SCARA3: variants seen among roughly 807,000 people sequenced by gnomAD.
SCARA3 encodes scavenger receptor class A member 3.
A neutral mutation model predicts 47.0 loss-of-function variants in SCARA3; 39 were observed. The ratio of observed to expected loss-of-function variants is 0.83; its 90% CI spans 0.64 to 1.08. The LOEUF (loss-of-function observed/expected upper bound fraction) is 1.08, where lower values mean the gene tolerates loss of function less well. SCARA3 is among the 50% of genes least tolerant of loss of function. The pLI is 0.00. For synonymous variants in SCARA3, 356 were observed against 334.1 expected, an observed-to-expected ratio of 1.07 and a Z score of -0.71; for missense variants, 724 against 792.3, an observed-to-expected ratio of 0.91 and a Z score of 1.04.
chr8:27,730,513 TCTCA>T, the SCARA3 span, among the ~76,000 whole-genome samples: 1 of 142,584 alleles, frequency 7.0e-6, no homozygotes, highest in Non-Finnish European at 1.5e-5. Context: ...TTTAATCGGG[TCTCA>T]CTCAGGCTCA....
At chr8:27,728,573 G>C in the SCARA3 span, among the ~76,000 whole-genome samples, 28 of 152,336 alleles carry the variant, frequency 1.8e-4, no homozygotes, top group South Asian at 5.8e-3. Context: ...CCGTCGCTGG[G>C]GAAGAGGAGG....
At chr8:27,713,772 C>A in the SCARA3 span, among the ~76,000 whole-genome samples, 296 of 152,240 alleles carry the variant, frequency 1.9e-3, 2 homozygotes, top group African/African-American at 6.6e-3. Context: ...CCAAGGAAAC[C>A]AGTTCCTTTT....
chr8:27,660,846 A>AGCTAGC (rs10700852), intron 5 of SCARA3, among the ~76,000 whole-genome samples: 301 of 56,626 alleles, frequency 5.3e-3, no homozygotes, highest in African/African-American at 6.9e-3. Flanking sequence ...AGCTAGCTAG[A>AGCTAGC]TAGATAGATA....
Position 27,671,171 on chromosome 8 carries a change from G to T in SCARA3, c.1641G>T (p.Gly547=). The T allele has an allele frequency of 1.3e-6, 2 of 1,524,604 alleles. No homozygotes were observed. The highest frequency in any genetic ancestry group is 1.8e-6 in the Non-Finnish European group (2 of 1,140,180). The allele number at this position is 1,524,604 out of a possible 1,614,324, so 94.4% of individuals were successfully genotyped here. A position where few individuals can be genotyped will look rare whatever the true frequency, so the allele number is the denominator to read the frequency against. Residue 547 remains glycine, a synonymous_variant, in exon 6 of 6, where the codon GGG becomes GGT. Coordinates refer to ENST00000301904, the MANE Select transcript of SCARA3 (RefSeq NM_016240.3). The stretch of plus-strand genomic sequence containing the variant: ...CAAAAGGGGACATAGGGCCCCCAGG[G>T]CCAGAAGGGCCCCCGGGGTCTCCAG... ...PGPKGDIGPP[G]PEGPPGSPGP...
chr8:27,633,611 T>A (rs1033936787), upstream of SCARA3, among the ~76,000 whole-genome samples: 1 of 151,906 alleles, frequency 6.6e-6, no homozygotes, highest in African/African-American at 2.4e-5. Flanking sequence ...AGCCCCCCCA[T>A]TGCGGCCGCA....
chr8:27,668,172 G>A (rs569801885), intron 5 of SCARA3, among the ~76,000 whole-genome samples: 1 of 152,214 alleles, frequency 6.6e-6, no homozygotes, highest in East Asian at 1.9e-4. Context: ...AGCTTTCCGG[G>A]AAAGAGGAGC....
the SCARA3 span, among the ~76,000 whole-genome samples, chr8:27,718,294 A>G: frequency 6.6e-6 from 1 of 152,270 alleles, no homozygotes; most frequent in African/African-American, 2.4e-5. Flanking sequence ...CAGCAACCCG[A>G]GGATGTCTTT....
rs2128920577 is a variant in SCARA3, at chr8:27,658,479, A to G, written c.326-17A>G. 6.3e-7 allele frequency: 1 copy of G among 1,576,768 alleles called. No individual in the cohort carries two copies. The highest frequency in any genetic ancestry group is 8.6e-7 in the Non-Finnish European group (1 of 1,164,336). ...TGGCCCTTCAGCAACTCAAACTGTT[A>G]TCCCTTTCCCCTAAAGATCCGAAAG... On this transcript the variant is annotated splice_polypyrimidine_tract_variant and intron_variant, in intron 4 of 5. Transcript: ENST00000301904.
rs1223345024 is a variant in SCARA3, at chr8:27,659,134, G to A, written c.964G>A (p.Glu322Lys). The A allele has an allele frequency of 1.1e-5, 18 of 1,614,080 alleles. No individual in the cohort carries two copies. Among genetic ancestry groups the A allele is most frequent in the East Asian group, 8.9e-5 (4 of 44,854 alleles). Reference protein sequence around the residue: ...DNISSFLDDHEENMHDLQYHT... With the variant: ...DNISSFLDDHKENMHDLQYHT... ...CATCTCGTCCTTCCTGGATGACCAC[G>A]AAGAGAACATGCATGATCTTCAGTA... The change falls in exon 5 of 6, where the codon GAA becomes AAA. Residue 322 changes from glutamate (E) to lysine (K), a missense_variant. Physicochemically the swap from Glu to Lys is moderately conservative, Grantham distance 56 (BLOSUM62 1). Coordinates refer to ENST00000301904, the MANE Select transcript of SCARA3 (RefSeq NM_016240.3).
the SCARA3 span, among the ~76,000 whole-genome samples, chr8:27,683,055 G>C: frequency 2.0e-5 from 3 of 151,868 alleles, no homozygotes; most frequent in Admixed American, 1.3e-4. Flanking sequence ...AACAAATGTC[G>C]ATCATCAGGA....
the SCARA3 span, among the ~76,000 whole-genome samples, chr8:27,682,626 G>A: frequency 6.6e-6 from 1 of 152,016 alleles, no homozygotes; most frequent in Non-Finnish European, 1.5e-5. Context: ...GTGTAAAGAT[G>A]GTCAGCATTT....
At chr8:27,719,615 G>A in the SCARA3 span, among the ~76,000 whole-genome samples, 15 of 151,816 alleles carry the variant, frequency 9.9e-5, no homozygotes, top group Non-Finnish European at 2.1e-4. Flanking sequence ...TCAGGGTATC[G>A]GAGTTCTCAT....
At chr8:27,637,028 C>T (rs1298397214) in intron 1 of SCARA3, among the ~76,000 whole-genome samples, 2 of 152,242 alleles carry the variant, frequency 1.3e-5, no homozygotes, top group Admixed American at 1.3e-4. Flanking sequence ...CATCTGTTGG[C>T]AAAGGATCAT....
At chr8:27,679,233 T>C (rs1268249705), downstream of SCARA3, among the ~76,000 whole-genome samples, 2 of 152,164 alleles carry the variant, frequency 1.3e-5, no homozygotes, top group Non-Finnish European at 2.9e-5. Flanking sequence ...AGTAAGTCTC[T>C]ACTAAAATAC....
At position 27,658,292 on chromosome 8, in the gene SCARA3, T is replaced by C. The variant is rs3735755; in HGVS notation, c.326-204T>C. 8.6e-3 allele frequency among the ~76,000 whole-genome samples: 1,316 copies of C among 152,242 alleles called. 40 individuals are homozygous for C. The East Asian group carries it at 0.12, about 14-fold the overall frequency. On this transcript the variant is annotated intron_variant, in intron 4 of 5. Coordinates refer to ENST00000301904, the MANE Select transcript of SCARA3 (RefSeq NM_016240.3). ...AACATCCTAAATGCTACATTTCAGA[T>C]CAGAGTCAAGAAAGTCGGTAAAAAT...
chr8:27,640,082 T>C (rs1312154773), intron 1 of SCARA3, among the ~76,000 whole-genome samples: 1 of 152,022 alleles, frequency 6.6e-6, no homozygotes, highest in Non-Finnish European at 1.5e-5. Flanking sequence ...AGCGGTGGAA[T>C]TGAGGGAGAC....
At chr8:27,699,087 A>G in the SCARA3 span, among the ~76,000 whole-genome samples, 1 of 151,772 alleles carries the variant, frequency 6.6e-6, no homozygotes, top group African/African-American at 2.4e-5. Context: ...TACTAAAAAT[A>G]CAAAAAATTA....
intron 1 of SCARA3, among the ~76,000 whole-genome samples, chr8:27,637,084 G>T (rs771376643): frequency 2.0e-5 from 3 of 152,242 alleles, no homozygotes; most frequent in Non-Finnish European, 4.4e-5. Flanking sequence ...GTTGTATGGA[G>T]AACCGGTGAT....
chr8:27,651,726 A>G, intron 3 of SCARA3, 99 bp downstream of exon 3: 2 of 1,486,064 alleles, frequency 1.3e-6, no homozygotes, highest in Non-Finnish European at 1.8e-6. Flanking sequence ...TGACATCTGT[A>G]TCCCAGGGCC....
Sources: allele counts gnomAD v4.1 joint callset (sites outside exome capture counted in the v4.1 genomes callset), GRCh38; gene constraint gnomAD v4.1.1; transcripts MANE v1.5; gene names NCBI Gene and HGNC (gene_info 2026-07-23, HGNC 2026-07-21).